Variants in SPATA13 observed in about 807,000 individuals in gnomAD.
The protein encoded by SPATA13 is spermatogenesis-associated protein 13.
Under a neutral mutation model 104.0 loss-of-function variants are expected in SPATA13, and 50 were observed. That is an observed-to-expected ratio of 0.48 (90% confidence interval 0.38 to 0.61). The LOEUF (loss-of-function observed/expected upper bound fraction) is 0.61, where lower values mean the gene tolerates loss of function less well. Among genes scored for constraint, SPATA13 ranks in the 20% least tolerant of loss-of-function variants. The pLI is 0.00. For synonymous variants in SPATA13, 606 were observed against 667.5 expected, an observed-to-expected ratio of 0.91 and a Z score of 1.42; for missense variants, 1,524 against 1,690.6, an observed-to-expected ratio of 0.90 and a Z score of 1.73.
intron 3 of SPATA13, among the ~76,000 whole-genome samples, chr13:24,042,484 C>T (rs1368491404): frequency 6.6e-6 from 1 of 152,222 alleles, no homozygotes; most frequent in African/African-American, 2.4e-5. Flanking sequence ...TGGTGCCGAT[C>T]CTCACGAGTC....
At chr13:24,281,430 C>A (rs777254944) in intron 4 of SPATA13, among the ~76,000 whole-genome samples, 13 of 152,148 alleles carry the variant, frequency 8.5e-5, no homozygotes, top group Non-Finnish European at 1.9e-4. Flanking sequence ...GAGAGCTCTC[C>A]CCTGGCTTCC....
intron 1 of SPATA13, among the ~76,000 whole-genome samples, chr13:24,189,165 C>A (rs919928698): frequency 2.0e-5 from 3 of 152,090 alleles, no homozygotes; most frequent in African/African-American, 7.2e-5. Context: ...ACTCTGATGT[C>A]TTATCATTTA....
rs1876479788 is a variant in SPATA13 at position 24,011,760 on chromosome 13, A to G, written c.-146-5907A>G. Among the ~76,000 whole-genome samples the G allele has an allele frequency of 6.7e-6, 1 of 150,214 alleles. No individual in the cohort carries two copies. Among genetic ancestry groups the G allele is most frequent in the African/African-American group, 2.5e-5 (1 of 39,598 alleles). ...GGGGCATGCAGAGAACATAGTCTTC[A>G]GCTCTGGCCAAGCAGCCATCTGTCC... On this transcript the variant is annotated intron_variant, in intron 2 of 14. Coordinates refer to the SPATA13 transcript ENST00000424834. This position sits in a 1 kb window ranked among gnomAD's most constrained non-coding sequence, Gnocchi z 4.3.
At chr13:24,065,016 C>T (rs917609011) in intron 3 of SPATA13, among the ~76,000 whole-genome samples, 10 of 151,524 alleles carry the variant, frequency 6.6e-5, no homozygotes, top group Admixed American at 2.0e-4. Flanking sequence ...TGAAATGCAA[C>T]GTGACATCCT....
At chr13:24,113,207 A>G (rs539171239) in intron 3 of SPATA13, among the ~76,000 whole-genome samples, 2 of 152,356 alleles carry the variant, frequency 1.3e-5, no homozygotes, top group African/African-American at 2.4e-5. Flanking sequence ...CCAAAGGAAA[A>G]CATATTTTTA....
At chr13:24,100,619 A>T (rs1880229579) in intron 3 of SPATA13, among the ~76,000 whole-genome samples, 1 of 152,214 alleles carries the variant, frequency 6.6e-6, no homozygotes, top group Non-Finnish European at 1.5e-5. Flanking sequence ...GCTGAAGCCC[A>T]TAGAAGGAGG....
At chr13:24,037,374 A>G (rs913202876) in intron 3 of SPATA13, among the ~76,000 whole-genome samples, 53 of 148,620 alleles carry the variant, frequency 3.6e-4, no homozygotes, top group African/African-American at 1.3e-3. Flanking sequence ...TAAAAAAAAA[A>G]GAAAAGAAAA....
intron 3 of SPATA13, among the ~76,000 whole-genome samples, chr13:24,112,460 T>C (rs1880674096): frequency 6.6e-6 from 1 of 152,200 alleles, no homozygotes; most frequent in Non-Finnish European, 1.5e-5. Context: ...TTCATCCTTG[T>C]ACTTCCCATG....
chr13:24,038,339 G>A (rs9507223), intron 3 of SPATA13, among the ~76,000 whole-genome samples: 2 of 151,922 alleles, frequency 1.3e-5, no homozygotes, highest in Non-Finnish European at 2.9e-5. Context: ...ATTGTGCCAG[G>A]GGGCTTTAGT....
At position 24,303,304 on chromosome 13, in the gene SPATA13, G is replaced by A. The variant is rs9580930; in HGVS notation, c.*531G>A. The A allele has an allele frequency of 0.36, 129,032 of 360,760 alleles. 24,171 individuals are homozygous for A. Among genetic ancestry groups the A allele is most frequent in the East Asian group, 0.59 (6,575 of 11,238 alleles). 22.3% of individuals were successfully genotyped at this position (360,760 alleles called of 1,614,324 possible). Reference sequence around the variant, plus strand: ...ACTGGGGGACCTACAGCTGCCGTGGGGCTGACCACGGTGTTCCCTGGCATC... The same window carrying A: ...ACTGGGGGACCTACAGCTGCCGTGGAGCTGACCACGGTGTTCCCTGGCATC... On this transcript the variant is annotated 3_prime_UTR_variant, in exon 13 of 13. Coordinates refer to ENST00000382108, the MANE Select transcript of SPATA13 (RefSeq NM_001166271.3).
chr13:24,038,209 G>C (rs535199019), intron 3 of SPATA13, among the ~76,000 whole-genome samples: 1 of 152,230 alleles, frequency 6.6e-6, no homozygotes, highest in Admixed American at 6.5e-5. Context: ...CACCGCGCCC[G>C]GCCAACTAGG....
intron 2 of SPATA13, among the ~76,000 whole-genome samples, chr13:24,237,886 T>TAATATATAAACATACATGGTTAAATATGC (rs1566166854): frequency 3.5e-5 from 3 of 85,226 alleles, no homozygotes; most frequent in Non-Finnish European, 2.6e-5. Flanking sequence ...ATATCATTTA[T>TAATATATAAACATACATGGTTAAATATGC]AATATATAAA....
intron 1 of SPATA13, among the ~76,000 whole-genome samples, chr13:24,211,450 T>C (rs1871007895): frequency 1.3e-5 from 2 of 152,296 alleles, no homozygotes; most frequent in South Asian, 4.1e-4. Flanking sequence ...TGTTGAGAGT[T>C]TTTATCATGA....
At chr13:24,014,153 G>T (rs890720126) in intron 2 of SPATA13, among the ~76,000 whole-genome samples, 1 of 152,218 alleles carries the variant, frequency 6.6e-6, no homozygotes, top group Non-Finnish European at 1.5e-5. Context: ...TGCCAGGGAA[G>T]GTCGGGGCCC....
chr13:24,204,638 C>A (rs1372010955), intron 1 of SPATA13, among the ~76,000 whole-genome samples: 1 of 152,160 alleles, frequency 6.6e-6, no homozygotes, highest in African/African-American at 2.4e-5. Context: ...AATTACTGTT[C>A]TACTTTCTTT....
At chr13:24,259,051 A>G (rs1362511017) in intron 4 of SPATA13, among the ~76,000 whole-genome samples, 2 of 152,204 alleles carry the variant, frequency 1.3e-5, no homozygotes, top group African/African-American at 4.8e-5. Flanking sequence ...GCTGCCCGTG[A>G]GCATCTCGTC....
chr13:24,231,566 T>C (rs2138627209), intron 2 of SPATA13, among the ~76,000 whole-genome samples: 1 of 152,366 alleles, frequency 6.6e-6, no homozygotes, highest in Non-Finnish European at 1.5e-5. Flanking sequence ...TATGAATACT[T>C]ACATACAAGT....
At chr13:24,158,742 T>C (rs780019768), upstream of SPATA13, among the ~76,000 whole-genome samples, 1 of 152,222 alleles carries the variant, frequency 6.6e-6, no homozygotes, top group Non-Finnish European at 1.5e-5. Context: ...GAGTCTTACA[T>C]GGGCTAAAGT....
intron 3 of SPATA13, among the ~76,000 whole-genome samples, chr13:24,101,411 T>C (rs1402348628): frequency 1.3e-5 from 2 of 152,206 alleles, no homozygotes; most frequent in Non-Finnish European, 2.9e-5. Context: ...TTATTTGTCA[T>C]CCAGCTTGGA....
Sources: gnomAD v4.1 joint callset for allele counts (sites outside exome capture counted in the v4.1 genomes callset) on GRCh38, gnomAD v4.1.1 for gene constraint, Gnocchi (gnomAD v3.1) non-coding constraint, MANE v1.5 for transcripts, NCBI Gene and HGNC (gene_info 2026-07-23, HGNC 2026-07-21) for gene names.